FHIT: variants seen among roughly 807,000 people sequenced by gnomAD.
The protein encoded by FHIT is bis(5'-adenosyl)-triphosphatase.
Under a neutral mutation model 17.9 loss-of-function variants are expected in FHIT, and 19 were observed. The observed-to-expected ratio is 1.06, with a 90% CI of 0.74 to 1.56. FHIT has a LOEUF of 1.56. Among genes scored for constraint, FHIT ranks in the 40% most tolerant of loss-of-function variants. The pLI, the probability that FHIT is intolerant of heterozygous loss-of-function variation, is 0.00. For missense variants in FHIT, 248 were observed against 189.2 expected (o/e 1.31, Z -1.82); for synonymous variants, 81 against 69.7 (o/e 1.16, Z -0.81).
At chr3:60,056,277 A>T (rs149827875) in intron 5 of FHIT, among the ~76,000 whole-genome samples, 2 of 152,338 alleles carry the variant, frequency 1.3e-5, no homozygotes, top group African/African-American at 4.8e-5. Context: ...ATTTTGGTGT[A>T]GATTAGAAAG....
At chr3:60,828,807 G>A (rs1702215344) in intron 3 of FHIT, among the ~76,000 whole-genome samples, 1 of 152,194 alleles carries the variant, frequency 6.6e-6, no homozygotes, top group Admixed American at 6.5e-5. Flanking sequence ...CAACCCGGGA[G>A]GCAGAGGTTG....
chr3:60,482,004 A>T (rs968033256), intron 5 of FHIT, among the ~76,000 whole-genome samples: 2 of 152,202 alleles, frequency 1.3e-5, no homozygotes, highest in Non-Finnish European at 2.9e-5. Context: ...ATAGAAAGCA[A>T]AAGAAAGCAG....
chr3:60,593,823 T>C (rs2107700614), intron 4 of FHIT, among the ~76,000 whole-genome samples: 1 of 152,224 alleles, frequency 6.6e-6, no homozygotes. Context: ...ATTTCTCCCC[T>C]GCCACATGCT....
At chr3:60,965,726 T>C (rs1187837100) in intron 3 of FHIT, among the ~76,000 whole-genome samples, 38 of 152,220 alleles carry the variant, frequency 2.5e-4, no homozygotes, top group Non-Finnish European at 1.5e-4. Context: ...TTTGCCTGTG[T>C]ATCACCAGCG....
chr3:60,179,107 G>C (rs775257852), intron 5 of FHIT, among the ~76,000 whole-genome samples: 3 of 152,176 alleles, frequency 2.0e-5, no homozygotes, highest in Admixed American at 2.0e-4. Flanking sequence ...GGCAGCAAAA[G>C]AAGTGAGAAA....
At chr3:60,199,945 G>C (rs1702821720) in intron 5 of FHIT, among the ~76,000 whole-genome samples, 1 of 152,116 alleles carries the variant, frequency 6.6e-6, no homozygotes, top group Non-Finnish European at 1.5e-5. Context: ...TGAGATGACA[G>C]ACACTAATAT....
chr3:61,040,321 G>A (rs935483811), intron 3 of FHIT, among the ~76,000 whole-genome samples: 1 of 152,080 alleles, frequency 6.6e-6, no homozygotes, highest in Non-Finnish European at 1.5e-5. Context: ...TTAAACATTG[G>A]ATTGAAAGTA....
chr3:60,183,530 G>C (rs1301046249), intron 5 of FHIT, among the ~76,000 whole-genome samples: 1 of 152,158 alleles, frequency 6.6e-6, no homozygotes, highest in African/African-American at 2.4e-5. Flanking sequence ...CCCTCAATCA[G>C]ACACACTTAG....
At chr3:60,643,946 C>T (rs775329995) in intron 4 of FHIT, among the ~76,000 whole-genome samples, 10 of 152,088 alleles carry the variant, frequency 6.6e-5, no homozygotes, top group African/African-American at 2.4e-4. Context: ...AAAACACAGC[C>T]CCCATCAAAA....
intron 5 of FHIT, among the ~76,000 whole-genome samples, chr3:60,216,494 G>A (rs988065000): frequency 1.3e-5 from 2 of 152,148 alleles, no homozygotes; most frequent in African/African-American, 4.8e-5. Context: ...TGGGGTAAGA[G>A]AGAATATTTG....
chr3:60,895,730 C>CTT (rs1459897686), intron 3 of FHIT, among the ~76,000 whole-genome samples: 2 of 82,278 alleles, frequency 2.4e-5, no homozygotes, highest in East Asian at 5.2e-4. Flanking sequence ...TTCTTTCTTT[C>CTT]TTTCTTCTTT....
chr3:60,975,337 T>C (rs921825032), intron 3 of FHIT, among the ~76,000 whole-genome samples: 1 of 152,162 alleles, frequency 6.6e-6, no homozygotes, highest in Non-Finnish European at 1.5e-5. Context: ...TGAAAAGCCA[T>C]GAGGCAGGCA....
rs149437576 is a variant in FHIT at position 60,365,416 on chromosome 3, A to C, written c.103+171444T>G. Among the ~76,000 whole-genome samples, 312 of 152,190 alleles carry C rather than the reference A, an allele frequency of 2.1e-3. 2 individuals carry two copies. Among genetic ancestry groups the C allele is most frequent in the African/African-American group, 7.2e-3 (300 of 41,566 alleles). ...GTTCATTATATACTCACTGAGTTTT[A>C]AATTCTATCACAATTCACGTTTTAA... On this transcript the variant is annotated intron_variant, in intron 5 of 9. Transcript: ENST00000492590.
chr3:60,186,422 C>G (rs1277403313), intron 5 of FHIT, among the ~76,000 whole-genome samples: 1 of 152,096 alleles, frequency 6.6e-6, no homozygotes, highest in Non-Finnish European at 1.5e-5. Flanking sequence ...CAAAGGTTGA[C>G]TGAATTTGTG....
chr3:61,120,476 T>G (rs535154886), intron 2 of FHIT, among the ~76,000 whole-genome samples: 1 of 152,164 alleles, frequency 6.6e-6, no homozygotes, highest in Non-Finnish European at 1.5e-5. Context: ...CAATTTTCAT[T>G]CAAGAACAAA....
intron 3 of FHIT, among the ~76,000 whole-genome samples, chr3:61,028,143 T>C (rs1425017554): frequency 6.6e-6 from 1 of 152,214 alleles, no homozygotes; most frequent in Non-Finnish European, 1.5e-5. Context: ...TATACTATGT[T>C]GGCAATTCCT....
chr3:61,171,722 A>G (rs113637796), intron 2 of FHIT, among the ~76,000 whole-genome samples: 6 of 152,342 alleles, frequency 3.9e-5, no homozygotes, highest in Middle Eastern at 3.4e-3. Context: ...AATTTCCACA[A>G]GTCTTTTTAC....
intron 5 of FHIT, among the ~76,000 whole-genome samples, chr3:60,424,809 C>A (rs1327354092): frequency 6.6e-6 from 1 of 152,078 alleles, no homozygotes; most frequent in Non-Finnish European, 1.5e-5. Flanking sequence ...AATCCAACCC[C>A]CATTGTGGGG....
At chr3:60,213,312 A>G (rs1703542320) in intron 5 of FHIT, among the ~76,000 whole-genome samples, 1 of 152,118 alleles carries the variant, frequency 6.6e-6, no homozygotes, top group Admixed American at 6.6e-5. Context: ...TTCTTCCATG[A>G]GCAGACTCTG....
Sources: allele counts gnomAD v4.1 joint callset (sites outside exome capture counted in the v4.1 genomes callset), GRCh38; gene constraint gnomAD v4.1.1; transcripts MANE v1.5; gene names NCBI Gene and HGNC (gene_info 2026-07-23, HGNC 2026-07-21).